Variants in CA5A observed in about 807,000 individuals in gnomAD.
The protein encoded by CA5A is carbonic anhydrase 5A.
In CA5A, 28 loss-of-function variants were observed where a neutral mutation model predicts 37.1. That is an observed-to-expected ratio of 0.75 (90% CI 0.56 to 1.03). CA5A has a LOEUF of 1.03. Ranked by LOEUF, CA5A falls within the 50% of genes least tolerant of loss-of-function variation. The pLI, the probability that CA5A is intolerant of heterozygous loss-of-function variation, is 0.00. For synonymous variants in CA5A, 171 were observed against 158.4 expected (o/e 1.08, Z -0.60); for missense variants, 444 against 399.9 (o/e 1.11, Z -0.94).
At chr16:87,915,122 C>T (rs1292315935) in intron 2 of CA5A, among the ~76,000 whole-genome samples, 8 of 152,352 alleles carry the variant, frequency 5.3e-5, no homozygotes, top group South Asian at 2.1e-4. Flanking sequence ...CCTCGACTCG[C>T]GTTGCAGCGC....
chr16:87,919,484 C>T (rs1018206020), intron 2 of CA5A, among the ~76,000 whole-genome samples: 10 of 152,206 alleles, frequency 6.6e-5, no homozygotes, highest in African/African-American at 2.4e-4. Context: ...GCCACAGCCT[C>T]GGGCGGCCAC....
downstream of CA5A, chr16:87,885,220 GA>G: frequency 6.0e-6 from 1 of 167,366 alleles, no homozygotes; most frequent in Non-Finnish European, 1.3e-5. Flanking sequence ...AAAAGAGGGT[GA>G]AAGGCAGCCC....
intron 6 of CA5A, among the ~76,000 whole-genome samples, chr16:87,888,827 G>C (rs201264846): frequency 2.0e-5 from 3 of 152,022 alleles, no homozygotes. Flanking sequence ...ATCTCAGCTC[G>C]CTGCAACCTC....
At chr16:87,920,800 C>CTT (rs556751990) in intron 2 of CA5A, among the ~76,000 whole-genome samples, 5 of 148,166 alleles carry the variant, frequency 3.4e-5, no homozygotes, top group African/African-American at 1.2e-4. Flanking sequence ...TGTATTTTTA[C>CTT]TTTTTTTTTT....
chr16:87,917,961 T>C (rs57093214), intron 2 of CA5A, among the ~76,000 whole-genome samples: 33,211 of 152,186 alleles, frequency 0.22, 4,170 homozygotes, highest in African/African-American at 0.33. Context: ...CCAGGGGTCG[T>C]CCTTGAACCG....
At chr16:87,926,374 G>A (rs770241754) in intron 2 of CA5A, among the ~76,000 whole-genome samples, 12 of 152,182 alleles carry the variant, frequency 7.9e-5, no homozygotes, top group Admixed American at 2.0e-4. Flanking sequence ...CAGCGTGGGC[G>A]TCCAGCCACC....
intron 2 of CA5A, among the ~76,000 whole-genome samples, chr16:87,924,565 GCTCA>G (rs2056275997): frequency 6.6e-6 from 1 of 152,234 alleles, no homozygotes; most frequent in Non-Finnish European, 1.5e-5. Context: ...CACCGTGCCT[GCTCA>G]CTGAGGTCCC....
At chr16:87,931,076 G>T (rs1041054997) in intron 1 of CA5A, among the ~76,000 whole-genome samples, 2 of 151,282 alleles carry the variant, frequency 1.3e-5, no homozygotes, top group African/African-American at 2.4e-5. Flanking sequence ...CAGATGTTCA[G>T]GTAGGGTGTC....
intron 2 of CA5A, among the ~76,000 whole-genome samples, chr16:87,915,150 C>T (rs1204288357): frequency 6.6e-6 from 1 of 152,180 alleles, no homozygotes; most frequent in Non-Finnish European, 1.5e-5. Flanking sequence ...ACCACACTCG[C>T]CTTTGATCGC....
chr16:87,931,612 C>G (rs551185602), intron 1 of CA5A, among the ~76,000 whole-genome samples: 5 of 152,196 alleles, frequency 3.3e-5, no homozygotes, highest in Non-Finnish European at 5.9e-5. Flanking sequence ...AAGATAAGCT[C>G]GCTGGCGCTG....
At chr16:87,899,781 A>G (rs994392069) in intron 5 of CA5A, among the ~76,000 whole-genome samples, 16 of 150,996 alleles carry the variant, frequency 1.1e-4, no homozygotes, top group African/African-American at 2.4e-4. Context: ...TTAGCCAGGC[A>G]TGGTGGTGGG....
rs796498559 is a variant in CA5A at position 87,913,665 on chromosome 16, T to A, written c.341-8761A>T. On this transcript the variant is annotated intron_variant, in intron 2 of 6. Transcript: ENST00000649794. ...TGTCTGTGCCGTGGCCCCCCCCTCC[T>A]CTCCAATACGAAGAGCCCACACTCA... Among the ~76,000 whole-genome samples, 19 of 130,334 alleles carry A rather than the reference T, an allele frequency of 1.5e-4. No individual in the cohort carries two copies. In the East Asian group the frequency reaches 3.7e-3, roughly 25 times the overall value. The allele number at this position is 130,334 out of a possible 152,430, so 85.5% of individuals were successfully genotyped here.
At chr16:87,900,953 C>T (rs1329728276) in intron 5 of CA5A, among the ~76,000 whole-genome samples, 4 of 152,228 alleles carry the variant, frequency 2.6e-5, no homozygotes, top group African/African-American at 9.6e-5. Flanking sequence ...AGGCTGGGCG[C>T]GGTGATTCAC....
intron 6 of CA5A, 46 bp from the exon 7 acceptor site, chr16:87,888,318 G>C: frequency 3.8e-6 from 6 of 1,564,574 alleles, no homozygotes; most frequent in Non-Finnish European, 5.2e-6. Context: ...AGTGCAGGGT[G>C]AGCCAGCCTC....
chr16:87,933,950 T>C (rs1567541540), intron 1 of CA5A, among the ~76,000 whole-genome samples: 1 of 152,190 alleles, frequency 6.6e-6, no homozygotes, highest in South Asian at 2.1e-4. Context: ...TTGAGGACCA[T>C]GGTGTAAATG....
At chr16:87,909,216 T>C (rs915044775) in intron 2 of CA5A, among the ~76,000 whole-genome samples, 1 of 152,082 alleles carries the variant, frequency 6.6e-6, no homozygotes, top group Admixed American at 6.6e-5. Flanking sequence ...AAGTCAGCCC[T>C]TTCCAATCTG....
chr16:87,910,874 C>T (rs2056040344), intron 2 of CA5A, among the ~76,000 whole-genome samples: 1 of 152,016 alleles, frequency 6.6e-6, no homozygotes, highest in South Asian at 2.1e-4. Flanking sequence ...CTGTGCTTCC[C>T]GAGTAGCTGG....
At chr16:87,924,767 G>T (rs2056280723) in intron 2 of CA5A, among the ~76,000 whole-genome samples, 1 of 152,264 alleles carries the variant, frequency 6.6e-6, no homozygotes, top group Non-Finnish European at 1.5e-5. Flanking sequence ...GGGCATGAAG[G>T]TGAGCGTGGG....
intron 2 of CA5A, among the ~76,000 whole-genome samples, chr16:87,921,196 T>C (rs965858490): frequency 8.5e-5 from 13 of 152,222 alleles, no homozygotes; most frequent in African/African-American, 3.1e-4. Flanking sequence ...CCCAAAGTGT[T>C]GGGATTACAG....
Sources: allele counts gnomAD v4.1 joint callset (sites outside exome capture counted in the v4.1 genomes callset), GRCh38; gene constraint gnomAD v4.1.1; transcripts MANE v1.5; gene names NCBI Gene and HGNC (gene_info 2026-07-23, HGNC 2026-07-21).